Variants in GPRC6A observed in about 807,000 individuals in gnomAD.
GPRC6A encodes G protein-coupled receptor class C group 6 member A, also known as G protein-coupled receptor family C group 6 member A.
GPRC6A carries 54 observed loss-of-function variants against 47.0 expected under a neutral mutation model. The ratio of observed to expected loss-of-function variants is 1.15; its 90% CI spans 0.92 to 1.44. GPRC6A has a LOEUF of 1.44. Ranked by LOEUF, GPRC6A falls within the 40% of genes most tolerant of loss-of-function variation. The pLI, the probability that GPRC6A is intolerant of heterozygous loss-of-function variation, is 0.00. For missense variants in GPRC6A, 1,112 were observed against 1,105.5 expected (o/e 1.01, Z -0.08); for synonymous variants, 347 against 377.1 (o/e 0.92, Z 0.93).
intron 1 of GPRC6A, among the ~76,000 whole-genome samples, chr6:116,820,871 G>A (rs1773444999): frequency 1.3e-5 from 2 of 151,510 alleles, no homozygotes; most frequent in African/African-American, 2.4e-5. Context: ...CAATTAGGCA[G>A]GAGAAGGAAA....
At chr6:116,814,313 A>G (rs1486598909) in intron 1 of GPRC6A, among the ~76,000 whole-genome samples, 1 of 152,218 alleles carries the variant, frequency 6.6e-6, no homozygotes. Context: ...ACATATGTTT[A>G]TTGTGGCACT....
rs748701376 is a variant in GPRC6A, at chr6:116,795,849, G to GA, written c.1549-15dup. The GA allele has an allele frequency of 4.9e-3, 6,988 of 1,422,926 alleles. No homozygotes were observed. The highest frequency in any genetic ancestry group is 7.9e-3 in the South Asian group (576 of 73,128). The allele number at this position is 1,422,926 out of a possible 1,614,324, so 88.1% of individuals were successfully genotyped here. A position where few individuals can be genotyped will look rare whatever the true frequency, so the allele number is the denominator to read the frequency against. ...AGATTGAATTTGCTATATTAAAAGT[G>GA]AAAAAAAAAATCACAAGTAAATTTG... On this transcript the variant is annotated splice_polypyrimidine_tract_variant and intron_variant, in intron 4 of 5. Coordinates refer to ENST00000310357, the MANE Select transcript of GPRC6A (RefSeq NM_148963.4).
chr6:116,792,920 A>G lies in GPRC6A; in HGVS notation c.2003T>C (p.Val668Ala). 1.2e-6 allele frequency: 2 copies of G among 1,614,086 alleles called. No individual in the cohort carries two copies. The highest frequency in any genetic ancestry group is 1.3e-5 in the African/African-American group (1 of 75,046). ...TCKTRQTMFG[V>A]SFTLCISCIL... is the part of the protein sequence containing the mutation. ...GCAGGAGATGCAAAGAGTAAAGCTC[A>G]CTCCAAACATTGTCTGCCTGGTTTT... Residue 668 changes from valine (V) to alanine (A), a missense_variant, in exon 6 of 6, where the codon GTG becomes GCG. Transcript: ENST00000310357.
chr6:116,827,782 A>C (rs1216705865), intron 1 of GPRC6A, among the ~76,000 whole-genome samples: 1 of 151,956 alleles, frequency 6.6e-6, no homozygotes, highest in Non-Finnish European at 1.5e-5. Context: ...CCTGTTAATC[A>C]ATGATTATGA....
intron 3 of GPRC6A, 44 bp downstream of exon 3, chr6:116,806,325 GA>G: frequency 1.6e-6 from 2 of 1,237,684 alleles, no homozygotes; most frequent in South Asian, 1.4e-5. Flanking sequence ...AGGAAATGGG[GA>G]AAATGATGGT....
intron 1 of GPRC6A, among the ~76,000 whole-genome samples, chr6:116,817,482 C>T (rs541249485): frequency 1.6e-4 from 25 of 152,162 alleles, no homozygotes; most frequent in African/African-American, 6.0e-4. Context: ...CAGAGCACCT[C>T]TCCTCCTCCA....
intron 5 of GPRC6A, 45 bp downstream of exon 5, chr6:116,795,667 G>A: frequency 1.4e-6 from 2 of 1,445,222 alleles, no homozygotes; most frequent in Non-Finnish European, 1.9e-6. Context: ...GAAAAAAAAA[G>A]CCTAAGAGGA....
intron 1 of GPRC6A, among the ~76,000 whole-genome samples, chr6:116,816,806 C>G (rs917326631): frequency 2.6e-5 from 4 of 152,340 alleles, no homozygotes; most frequent in Admixed American, 2.6e-4. Context: ...GTCACTCCCA[C>G]CCGAATACTG....
In GPRC6A at chr6:116,826,875, GA is replaced by G. The variant is rs369759669; in HGVS notation, c.194+1944del. 3.7e-3 allele frequency among the ~76,000 whole-genome samples: 564 copies of G among 151,948 alleles called. 5 individuals carry two copies. Among genetic ancestry groups the G allele is most frequent in the Middle Eastern group, 0.024 (7 of 294 alleles). The stretch of plus-strand genomic sequence containing the variant: ...AGAATAGTACTCAGCCATAAAAAAA[GA>G]ATAAAATCATATCATTTGCAGCAAC... On this transcript the variant is annotated intron_variant, in intron 1 of 5. Coordinates refer to ENST00000310357, the MANE Select transcript of GPRC6A (RefSeq NM_148963.4).
chr6:116,816,966 G>A (rs893283172), intron 1 of GPRC6A, among the ~76,000 whole-genome samples: 7 of 151,692 alleles, frequency 4.6e-5, no homozygotes, highest in African/African-American at 1.5e-4. Context: ...GGGGAGGGGC[G>A]CCCGCCATTG....
rs748572882 is a variant in GPRC6A at position 116,807,069 on chromosome 6, G to A, written c.636C>T (p.Gly212=). The A allele has an allele frequency of 1.2e-5, 19 of 1,613,494 alleles. No individual in the cohort carries two copies. The highest frequency in any genetic ancestry group is 5.3e-5 in the African/African-American group (4 of 74,884). ...CATAGTCATCATCTGTGGTTATGAT[G>A]CCAATCCAGTTCCAACCAGATTTCT... ...LIQKSGWNWI[G]IITTDDDYGR... Residue 212 remains glycine (G), a synonymous_variant, in exon 3 of 6, where the codon GGC becomes GGT. Transcript: ENST00000310357.
chr6:116,818,532 T>TC (rs1554263527), intron 1 of GPRC6A, among the ~76,000 whole-genome samples: 467 of 15,502 alleles, frequency 0.03, 111 homozygotes, highest in Non-Finnish European at 0.035. Context: ...AGACTCCGTC[T>TC]AAAAAAAAAA....
intron 1 of GPRC6A, among the ~76,000 whole-genome samples, chr6:116,821,885 C>T (rs991782719): frequency 6.6e-6 from 1 of 150,450 alleles, no homozygotes; most frequent in East Asian, 1.9e-4. Flanking sequence ...TAAAGAGCTT[C>T]TGCACAGCAA....
At chr6:116,810,271 C>T (rs1404473157) in intron 1 of GPRC6A, among the ~76,000 whole-genome samples, 2 of 152,050 alleles carry the variant, frequency 1.3e-5, no homozygotes, top group African/African-American at 2.4e-5. Flanking sequence ...GGGTTCAATA[C>T]ACATTTTTAA....
At chr6:116,802,199 C>A (rs1772696341) in intron 3 of GPRC6A, among the ~76,000 whole-genome samples, 1 of 152,086 alleles carries the variant, frequency 6.6e-6, no homozygotes, top group Admixed American at 6.6e-5. Context: ...CAATTTTATG[C>A]TTGCTCTTAC....
Position 116,821,097 on chromosome 6 carries a change from C to T in GPRC6A, c.194+7723G>A, listed in dbSNP as rs1341849745. The stretch of plus-strand genomic sequence containing the variant: ...AACAGAGAGCCAAATCATGAGTGAA[C>T]TCCCATTCACAATTGCTTCAAAGAG... On this transcript the variant is annotated intron_variant, in intron 1 of 5. Coordinates refer to ENST00000310357, the MANE Select transcript of GPRC6A (RefSeq NM_148963.4). 3.4e-3 allele frequency among the ~76,000 whole-genome samples: 512 copies of T among 150,410 alleles called. 1 individual carries two copies. Among genetic ancestry groups the T allele is most frequent in the Non-Finnish European group, 5.2e-3 (353 of 67,274 alleles).
intron 3 of GPRC6A, among the ~76,000 whole-genome samples, chr6:116,801,421 G>C (rs1772671555): frequency 6.6e-6 from 1 of 152,134 alleles, no homozygotes; most frequent in South Asian, 2.1e-4. Flanking sequence ...AGAACAATAG[G>C]CTGGAATGTA....
In GPRC6A at chr6:116,829,050, A is replaced by G. The variant is rs1200321660; in HGVS notation, c.-37T>C. On this transcript the variant is annotated 5_prime_UTR_variant, in exon 1 of 6. Transcript: ENST00000310357. ...ATTTGCTCAGTTCATGTGAGTTCTT[A>G]GGAATCATTAAGTGCACGGAGTGCC... 1 of 1,578,724 alleles carries G rather than the reference A, an allele frequency of 6.3e-7. No homozygotes were observed. Among genetic ancestry groups the G allele is most frequent in the Admixed American group, 1.8e-5 (1 of 55,804 alleles).
intron 2 of GPRC6A, 69 bp downstream of exon 2, chr6:116,809,245 G>A (rs1205105713): frequency 7.6e-7 from 1 of 1,313,760 alleles, no homozygotes; most frequent in Non-Finnish European, 1.1e-6. Context: ...AGTTTCCTCA[G>A]GTTTCCCTGA....
Sources: allele counts gnomAD v4.1 joint callset (sites outside exome capture counted in the v4.1 genomes callset), GRCh38; gene constraint gnomAD v4.1.1; transcripts MANE v1.5; gene names NCBI Gene and HGNC (gene_info 2026-07-23, HGNC 2026-07-21).